The following POU2F1 variants were observed in gnomAD, a reference collection of about 807,000 sequenced individuals.
POU2F1 encodes the protein POU domain, class 2, transcription factor 1.
POU2F1 carries 16 observed loss-of-function variants against 84.9 expected under a neutral mutation model. That is an observed-to-expected ratio of 0.19 (90% CI 0.13 to 0.29). POU2F1 has a LOEUF of 0.29. Ranked by LOEUF, POU2F1 falls within the 10% of genes least tolerant of loss-of-function variation. The probability of loss-of-function intolerance (pLI) is 1.00; values close to 1 mark genes in which losing one functional copy is unlikely to be tolerated. For missense variants in POU2F1, 738 were observed against 942.6 expected, an observed-to-expected ratio of 0.78 and a Z score of 2.84; for synonymous variants, 368 against 368.3, an observed-to-expected ratio of 1.00 and a Z score of 0.01.
chr1:167,291,119 TGAA>T, intron 1 of POU2F1, among the ~76,000 whole-genome samples: 1 of 151,970 alleles, frequency 6.6e-6, no homozygotes, highest in Admixed American at 6.6e-5. Flanking sequence ...GGCGTCAGTG[TGAA>T]GAACACTCAT....
chr1:167,394,933 G>A (rs1251124213), intron 9 of POU2F1, among the ~76,000 whole-genome samples: 1 of 152,124 alleles, frequency 6.6e-6, no homozygotes. Flanking sequence ...GGGGTAGGGG[G>A]GAATCAAAAG....
At chr1:167,242,538 A>G (rs918399005) in intron 1 of POU2F1, among the ~76,000 whole-genome samples, 1 of 152,220 alleles carries the variant, frequency 6.6e-6, no homozygotes, top group Non-Finnish European at 1.5e-5. Context: ...ATCTCACAGG[A>G]TGATCTAGCT....
chr1:167,379,775 A>G (rs1296355861), intron 7 of POU2F1: 1 of 152,216 alleles, frequency 6.6e-6, no homozygotes, highest in Non-Finnish European at 1.5e-5. Context: ...CAGCAAAGCC[A>G]AGGGCGTTGT....
At chr1:167,286,428 AC>A (rs1571230345) in intron 1 of POU2F1, among the ~76,000 whole-genome samples, 2 of 152,096 alleles carry the variant, frequency 1.3e-5, no homozygotes, top group East Asian at 3.9e-4. Context: ...ATTCATCAAA[AC>A]CTCTGGTAGC....
chr1:167,318,205 A>G (rs542741093), intron 1 of POU2F1, among the ~76,000 whole-genome samples: 14 of 152,312 alleles, frequency 9.2e-5, no homozygotes, highest in Admixed American at 7.8e-4. Flanking sequence ...ATTAAGAGCC[A>G]TTAATAGTTT....
chr1:167,327,772 G>C (rs1367661209), intron 1 of POU2F1, among the ~76,000 whole-genome samples: 3 of 152,088 alleles, frequency 2.0e-5, no homozygotes, highest in Non-Finnish European at 4.4e-5. Flanking sequence ...TAATGCATAG[G>C]AATAGCCAAG....
intron 1 of POU2F1, among the ~76,000 whole-genome samples, chr1:167,239,592 T>TA (rs1244321734): frequency 3.9e-5 from 6 of 152,246 alleles, no homozygotes; most frequent in African/African-American, 1.4e-4. Context: ...ATGCTCATTC[T>TA]AGCAAGTGCT....
chr1:167,358,807 G>T (rs1225353678), intron 2 of POU2F1, among the ~76,000 whole-genome samples: 1 of 127,218 alleles, frequency 7.9e-6, no homozygotes, highest in Non-Finnish European at 1.6e-5. Context: ...TTCTGCTTCA[G>T]CCTGTCTAGA....
chr1:167,397,293 G>A (rs559020882), intron 10 of POU2F1, among the ~76,000 whole-genome samples: 1 of 152,254 alleles, frequency 6.6e-6, no homozygotes, highest in East Asian at 1.9e-4. Flanking sequence ...CCAATAAAAT[G>A]AGAGGCCATT....
At chr1:167,370,125 C>T in intron 3 of POU2F1, 36 bp from the exon 4 acceptor site, 1 of 1,553,190 alleles carries the variant, frequency 6.4e-7, no homozygotes, top group Non-Finnish European at 8.8e-7. Context: ...TGAATGTCAA[C>T]AGTATTAAAC....
At chr1:167,370,245 C>T in intron 4 of POU2F1, 31 bp downstream of exon 4, 1 of 1,541,622 alleles carries the variant, frequency 6.5e-7, no homozygotes, top group Non-Finnish European at 8.8e-7. Context: ...ATGGGTCAAT[C>T]TTTTATTTAT....
rs1052165868 is a variant in POU2F1, at chr1:167,425,245, TTTG to T, written c.*9438_*9440del. The T allele has an allele frequency of 2.6e-5, 4 of 151,882 alleles. No homozygotes were observed. The highest frequency in any genetic ancestry group is 9.7e-5 in the African/African-American group (4 of 41,244). The allele number at this position is 151,882 out of a possible 1,614,324, so 9.4% of individuals were successfully genotyped here. On this transcript the variant is annotated 3_prime_UTR_variant, in exon 16 of 16. Transcript: ENST00000367866. Reference sequence around the variant, plus strand: ...GTTTCTTTGTTTTGTTTTGTTTTGTTTTGTTTTTCAAATTTCCAGCCAAAACCA... The same window carrying T: ...GTTTCTTTGTTTTGTTTTGTTTTGTTTTTTTCAAATTTCCAGCCAAAACCA...
chr1:167,276,010 A>T (rs974974050), intron 1 of POU2F1, among the ~76,000 whole-genome samples: 2 of 152,222 alleles, frequency 1.3e-5, no homozygotes, highest in East Asian at 1.9e-4. Context: ...TATTTAGCTT[A>T]TACTAGAAGA....
intron 1 of POU2F1, among the ~76,000 whole-genome samples, chr1:167,248,108 A>G (rs563811544): frequency 2.0e-5 from 3 of 152,188 alleles, no homozygotes; most frequent in Non-Finnish European, 4.4e-5. Context: ...TGTGTGAGTA[A>G]TGTTCTGAAT....
chr1:167,240,218 A>C (rs936663396), intron 1 of POU2F1, among the ~76,000 whole-genome samples: 10 of 152,190 alleles, frequency 6.6e-5, no homozygotes, highest in African/African-American at 2.4e-4. Context: ...CAGTAGTCGA[A>C]GTGTATGAAT....
At chr1:167,393,523 G>A (rs1240646682) in intron 9 of POU2F1, among the ~76,000 whole-genome samples, 1 of 151,516 alleles carries the variant, frequency 6.6e-6, no homozygotes, top group Non-Finnish European at 1.5e-5. Context: ...TTAGAGAGAG[G>A]GTCTCACTCT....
intron 1 of POU2F1, among the ~76,000 whole-genome samples, chr1:167,307,804 A>G (rs1655184270): frequency 6.6e-6 from 1 of 152,204 alleles, no homozygotes; most frequent in African/African-American, 2.4e-5. Flanking sequence ...ACACCAAAAT[A>G]ATCCAATCCA....
intron 1 of POU2F1, among the ~76,000 whole-genome samples, chr1:167,266,899 G>T (rs1375618878): frequency 1.3e-5 from 2 of 152,010 alleles, no homozygotes; most frequent in African/African-American, 4.8e-5. Flanking sequence ...TGGGATTACC[G>T]GCGTGAGACA....
intron 12 of POU2F1, among the ~76,000 whole-genome samples, 187 bp downstream of exon 12, chr1:167,399,552 G>A (rs1221465410): frequency 1.3e-5 from 2 of 151,860 alleles, no homozygotes; most frequent in African/African-American, 2.4e-5. Flanking sequence ...CTTGTCTCTC[G>A]TGCTCTCTCT....
Sources: allele counts gnomAD v4.1 joint callset (sites outside exome capture counted in the v4.1 genomes callset), GRCh38; gene constraint gnomAD v4.1.1; transcripts MANE v1.5; gene names NCBI Gene and HGNC (gene_info 2026-07-23, HGNC 2026-07-21).